SLC26A5: variants seen among roughly 807,000 people sequenced by gnomAD.
SLC26A5 encodes the protein prestin.
In SLC26A5, 51 loss-of-function variants were observed where a neutral mutation model predicts 81.0. The observed-to-expected ratio is 0.63, with a 90% CI of 0.50 to 0.80. The LOEUF (loss-of-function observed/expected upper bound fraction) is 0.80, where lower values mean the gene tolerates loss of function less well. Ranked by LOEUF, SLC26A5 falls within the 30% of genes least tolerant of loss-of-function variation. The pLI, the probability that SLC26A5 is intolerant of heterozygous loss-of-function variation, is 0.00. For missense variants in SLC26A5, 771 were observed against 905.8 expected, an observed-to-expected ratio of 0.85 and a Z score of 1.91; for synonymous variants, 325 against 332.8, an observed-to-expected ratio of 0.98 and a Z score of 0.25.
intron 16 of SLC26A5, 34 bp from the exon 17 acceptor site, chr7:103,378,587 C>T (rs1456257504): frequency 6.3e-7 from 1 of 1,595,706 alleles, no homozygotes; most frequent in South Asian, 1.1e-5. Context: ...AAAATCACTT[C>T]ATGGCTCTCA....
intron 18 of SLC26A5, among the ~76,000 whole-genome samples, chr7:103,377,126 G>A (rs569804204): frequency 1.6e-3 from 249 of 152,254 alleles, no homozygotes; most frequent in African/African-American, 5.8e-3. Flanking sequence ...TTAACTTAAA[G>A]GATATTATAA....
chr7:103,356,430 A>C (rs537397248), intron 19 of SLC26A5, among the ~76,000 whole-genome samples: 1 of 152,312 alleles, frequency 6.6e-6, no homozygotes, highest in East Asian at 1.9e-4. Flanking sequence ...TGTGAAAATT[A>C]CTTTGGCCAG....
rs1821188636 is a variant in SLC26A5 at position 103,374,375 on chromosome 7, CCCA to C, written c.*21_*23del. On this transcript the variant is annotated 3_prime_UTR_variant, in exon 20 of 20. Transcript: ENST00000306312. ...ATGAACTTCATGAGAGGCTTATAAC[CCCA>C]TCCTAGGGTGAGGTCCTCATCTATG... The C allele has an allele frequency of 3.1e-6, 5 of 1,611,660 alleles. No individual in the cohort carries two copies. The East Asian group carries it at 1.1e-4, about 36-fold the overall frequency.
At chr7:103,386,960 C>T (rs1586238185) in intron 14 of SLC26A5, among the ~76,000 whole-genome samples, 2 of 152,154 alleles carry the variant, frequency 1.3e-5, no homozygotes, top group South Asian at 4.2e-4. Context: ...TGAGGGTTTG[C>T]CATGTTGCCC....
intron 2 of SLC26A5, among the ~76,000 whole-genome samples, chr7:103,430,104 G>A: frequency 7.0e-6 from 1 of 143,324 alleles, no homozygotes; most frequent in African/African-American, 2.7e-5. Context: ...TTGAAATAGA[G>A]TTTCACTCTT....
rs531793754 is a variant in SLC26A5 at position 103,427,222 on chromosome 7, C to G, written c.-53-5655G>C. On this transcript the variant is annotated intron_variant, in intron 2 of 19. Coordinates refer to ENST00000306312, the MANE Select transcript of SLC26A5 (RefSeq NM_198999.3). The stretch of plus-strand genomic sequence containing the variant: ...CCGAGTAGCTGGGATTACAGGTGTG[C>G]GCCACCACGCCCAACTACTTTTTGT... Among the ~76,000 whole-genome samples the G allele has an allele frequency of 5.9e-5, 9 of 151,860 alleles. No individual in the cohort carries two copies. In the South Asian group the frequency reaches 1.9e-3, roughly 32 times the overall value.
chr7:103,391,582 A>G, intron 11 of SLC26A5, 40 bp downstream of exon 11: 1 of 1,489,878 alleles, frequency 6.7e-7, no homozygotes, highest in Non-Finnish European at 9.4e-7. Context: ...TTTAATTACC[A>G]CCCATATCAT....
At chr7:103,418,771 C>T (rs541566205) in intron 4 of SLC26A5, among the ~76,000 whole-genome samples, 1 of 152,112 alleles carries the variant, frequency 6.6e-6, no homozygotes, top group Non-Finnish European at 1.5e-5. Context: ...GCCATTATCA[C>T]CTTTGCCTAC....
chr7:103,426,481 C>A (rs1462438499), intron 2 of SLC26A5, among the ~76,000 whole-genome samples: 4 of 152,116 alleles, frequency 2.6e-5, no homozygotes, highest in African/African-American at 9.7e-5. Flanking sequence ...TCAACTTTAA[C>A]TGGGTATCTT....
At chr7:103,393,095 G>C (rs1355926629) in intron 9 of SLC26A5, 29 bp from the exon 10 acceptor site, 1 of 1,613,588 alleles carries the variant, frequency 6.2e-7, no homozygotes, top group Admixed American at 1.7e-5. Flanking sequence ...TTTAACTTGT[G>C]TTGTGACCAC....
At chr7:103,412,140 C>A (rs1824534660) in intron 5 of SLC26A5, among the ~76,000 whole-genome samples, 1 of 152,148 alleles carries the variant, frequency 6.6e-6, no homozygotes, top group African/African-American at 2.4e-5. Flanking sequence ...ACTGCAGGCA[C>A]TATGGAAGAT....
At chr7:103,405,945 AG>A (rs1481980134) in intron 8 of SLC26A5, among the ~76,000 whole-genome samples, 2 of 152,156 alleles carry the variant, frequency 1.3e-5, no homozygotes, top group South Asian at 2.1e-4. Context: ...GAATCCACCC[AG>A]TTGGACCTTC....
intron 14 of SLC26A5, among the ~76,000 whole-genome samples, chr7:103,383,645 T>A (rs1821958736): frequency 1.3e-5 from 2 of 152,184 alleles, no homozygotes; most frequent in South Asian, 4.1e-4. Context: ...GTATTCTAAG[T>A]CTTTAAAAAT....
At chr7:103,355,625 A>T in intron 19 of SLC26A5, 4 of 1,147,154 alleles carry the variant, frequency 3.5e-6, no homozygotes, top group Non-Finnish European at 5.2e-6. Context: ...AGTAGTGCTG[A>T]GGTTTAGAAA....
At chr7:103,372,277 A>C (rs1367499606), downstream of SLC26A5, among the ~76,000 whole-genome samples, 1 of 152,230 alleles carries the variant, frequency 6.6e-6, no homozygotes, top group Non-Finnish European at 1.5e-5. Flanking sequence ...ATCTGATAGG[A>C]GTTAACATCA....
At chr7:103,359,426 C>G (rs1401414374) in intron 19 of SLC26A5, among the ~76,000 whole-genome samples, 1 of 152,076 alleles carries the variant, frequency 6.6e-6, no homozygotes, top group African/African-American at 2.4e-5. Flanking sequence ...TCATCACTAT[C>G]TAATTCCAGA....
chr7:103,355,653 G>A (rs1161432214), intron 19 of SLC26A5: 2 of 1,419,776 alleles, frequency 1.4e-6, no homozygotes, highest in Admixed American at 1.7e-5. Context: ...ATAGGGTGAT[G>A]CATTACATTT....
chr7:103,403,761 A>G (rs1310196542), intron 8 of SLC26A5, among the ~76,000 whole-genome samples: 3 of 143,932 alleles, frequency 2.1e-5, no homozygotes, highest in Admixed American at 1.4e-4. Flanking sequence ...TTTTGAGACT[A>G]TGTGTGTCTT....
rs1586198421 is a variant in SLC26A5 at position 103,374,685 on chromosome 7, T to G, written c.2042-93A>C. 4 of 1,250,328 alleles carry G rather than the reference T, an allele frequency of 3.2e-6. No individual in the cohort carries two copies. In the Admixed American group the frequency reaches 1.0e-4, roughly 31 times the overall value. The allele number at this position is 1,250,328 out of a possible 1,614,324, so 77.5% of individuals were successfully genotyped here. A position where few individuals can be genotyped will look rare whatever the true frequency, so the allele number is the denominator to read the frequency against. On this transcript the variant is annotated intron_variant, in intron 19 of 19. Coordinates refer to ENST00000306312, the MANE Select transcript of SLC26A5 (RefSeq NM_198999.3). Reference sequence around the variant, plus strand: ...AACACTTCCATATAGTGTTTTTTTTTTTGTTATTGTTTTTTGTTTCTTTTT... The same window carrying G: ...AACACTTCCATATAGTGTTTTTTTTGTTGTTATTGTTTTTTGTTTCTTTTT...
Sources: allele counts gnomAD v4.1 joint callset (sites outside exome capture counted in the v4.1 genomes callset), GRCh38; gene constraint gnomAD v4.1.1; transcripts MANE v1.5; gene names NCBI Gene and HGNC (gene_info 2026-07-23, HGNC 2026-07-21).